Variants in NDC80 observed in about 807,000 individuals in gnomAD.
NDC80 encodes the protein kinetochore protein NDC80 homolog.
Under a neutral mutation model 89.3 loss-of-function variants are expected in NDC80, and 69 were observed. The ratio of observed to expected loss-of-function variants is 0.77; its 90% confidence interval spans 0.64 to 0.94. The LOEUF (loss-of-function observed/expected upper bound fraction) is 0.94, where lower values mean the gene tolerates loss of function less well. NDC80 is among the 40% of genes least tolerant of loss of function. The pLI is 0.00. For missense variants in NDC80, 593 were observed against 739.6 expected (o/e 0.80, Z 2.30); for synonymous variants, 243 against 255.6 (o/e 0.95, Z 0.47).
Position 2,616,526 on chromosome 18 carries a change from A to G in NDC80, c.1881A>G (p.Arg627=). Residue 627 remains arginine, a synonymous_variant, in exon 17 of 17, where the codon AGA becomes AGG. Coordinates refer to ENST00000261597, the MANE Select transcript of NDC80 (RefSeq NM_006101.3). ...EDLSENIKEI[R]DKYEKKATLI... ...TCTCGGAAAATATTAAAGAGATTAG[A>G]GATAAGTATGAGAAGAAAGCTACTC... The G allele has an allele frequency of 1.3e-6, 2 of 1,493,398 alleles. No homozygotes were observed. The highest frequency in any genetic ancestry group is 9.1e-7 in the Non-Finnish European group (1 of 1,101,468). The allele number at this position is 1,493,398 out of a possible 1,614,324, so 92.5% of individuals were successfully genotyped here. A position where few individuals can be genotyped will look rare whatever the true frequency, so the allele number is the denominator to read the frequency against.
intron 10 of NDC80, among the ~76,000 whole-genome samples, chr18:2,591,930 A>G (rs1372246839): frequency 6.6e-6 from 1 of 151,832 alleles, no homozygotes. Context: ...ACTTTTTTGT[A>G]TTTTTAGTAG....
Position 2,601,333 on chromosome 18 carries a change from C to A in NDC80, c.1375-63C>A, listed in dbSNP as rs1401531757. 5 of 727,806 alleles carry A rather than the reference C, an allele frequency of 6.9e-6. No homozygotes were observed. The East Asian group carries it at 1.5e-4, about 22-fold the overall frequency. 45.1% of individuals were successfully genotyped at this position (727,806 alleles called of 1,614,324 possible). A position where few individuals can be genotyped will look rare whatever the true frequency, so the allele number is the denominator to read the frequency against. ...CTCCTCCTATCACAGTGTGTAGATG[C>A]TTCAGGAGGGATATTTTGTAATTAA... On this transcript the variant is annotated intron_variant, in intron 12 of 16. Coordinates refer to ENST00000261597, the MANE Select transcript of NDC80 (RefSeq NM_006101.3).
chr18:2,608,105 C>T (rs547937464), intron 14 of NDC80, among the ~76,000 whole-genome samples: 2 of 146,768 alleles, frequency 1.4e-5, no homozygotes, highest in African/African-American at 5.0e-5. Flanking sequence ...CCATTCCTTC[C>T]CTTTGATAAA....
At chr18:2,594,524 G>T in intron 10 of NDC80, 1 of 163,678 alleles carries the variant, frequency 6.1e-6, no homozygotes. Context: ...TTTCTGTTTG[G>T]GAAGAACCAG....
In NDC80 at chr18:2,575,072, T is replaced by A. The variant is rs1337730178; in HGVS notation, c.179+6T>A. On this transcript the variant is annotated splice_donor_region_variant and intron_variant, in intron 3 of 16. Transcript: ENST00000261597. The stretch of plus-strand genomic sequence containing the variant: ...GTCTCGCTATTTGGCAAAAGGTAAT[T>A]ATATTTTTCATTAGCTCTAATAAAG... The A allele has an allele frequency of 6.3e-7, 1 of 1,594,182 alleles. No individual in the cohort carries two copies.
intron 12 of NDC80, among the ~76,000 whole-genome samples, chr18:2,600,143 G>T (rs1055049984): frequency 1.3e-5 from 2 of 152,146 alleles, no homozygotes; most frequent in Non-Finnish European, 2.9e-5. Context: ...ATAATTACAT[G>T]AATCACATTC....
chr18:2,595,535 A>G lies in NDC80; in HGVS notation c.1135A>G (p.Thr379Ala), dbSNP rs1213155596. 3 of 1,613,972 alleles carry G rather than the reference A, an allele frequency of 1.9e-6. No homozygotes were observed. Among genetic ancestry groups the G allele is most frequent in the South Asian group, 2.2e-5 (2 of 91,080 alleles). Residue 379 changes from threonine to alanine, a missense_variant, in exon 11 of 17, where the codon ACT (threonine) becomes GCT (alanine). Thr to Ala is a moderately conservative substitution (Grantham distance 58). Coordinates refer to ENST00000261597, the MANE Select transcript of NDC80 (RefSeq NM_006101.3). ...TCATGAAAGAAATGAATTGCAGCAG[A>G]CTATTAATAAATTAACCAAGGACCT... is the stretch of plus-strand genomic sequence containing the variant. ...INHERNELQQ[T>A]INKLTKDLEA...
intron 2 of NDC80, among the ~76,000 whole-genome samples, 169 bp downstream of exon 2, chr18:2,573,255 C>T (rs1289827364): frequency 6.6e-6 from 1 of 152,190 alleles, no homozygotes; most frequent in Non-Finnish European, 1.5e-5. Context: ...GGGCATGATA[C>T]TCTGCTAGGT....
At chr18:2,596,284 A>G (rs28709558) in intron 11 of NDC80, among the ~76,000 whole-genome samples, 9,596 of 152,196 alleles carry the variant, frequency 0.063, 325 homozygotes, top group African/African-American at 0.082. Flanking sequence ...CATCTGACAA[A>G]GGGCTAATAT....
At chr18:2,583,100 G>T (rs958716407) in intron 6 of NDC80, among the ~76,000 whole-genome samples, 10 of 152,194 alleles carry the variant, frequency 6.6e-5, no homozygotes, top group Non-Finnish European at 1.0e-4. Context: ...TGGTGTTAGA[G>T]TGGAAAACGC....
At chr18:2,583,714 ATCTG>A (rs904540252) in intron 6 of NDC80, among the ~76,000 whole-genome samples, 9 of 150,978 alleles carry the variant, frequency 6.0e-5, no homozygotes, top group African/African-American at 2.2e-4. Flanking sequence ...AAAAAAAAAA[ATCTG>A]TCTGCCACCT....
chr18:2,591,062 G>C (rs562054596), intron 10 of NDC80, among the ~76,000 whole-genome samples: 114 of 152,186 alleles, frequency 7.5e-4, no homozygotes, highest in African/African-American at 2.5e-3. Flanking sequence ...GATTCTTGAT[G>C]TCTGCCTGCC....
intron 10 of NDC80, among the ~76,000 whole-genome samples, chr18:2,591,279 G>A (rs1317973997): frequency 6.6e-6 from 1 of 152,076 alleles, no homozygotes. Flanking sequence ...AAACACTATG[G>A]CACATGCAAT....
At chr18:2,612,725 TG>T (rs1212179988) in intron 16 of NDC80, among the ~76,000 whole-genome samples, 1 of 152,244 alleles carries the variant, frequency 6.6e-6, no homozygotes, top group Non-Finnish European at 1.5e-5. Flanking sequence ...GAAAACCTAA[TG>T]GTAAGTTACT....
intron 9 of NDC80, 68 bp downstream of exon 9, chr18:2,589,378 C>T: frequency 9.5e-7 from 1 of 1,055,824 alleles, no homozygotes; most frequent in South Asian, 1.4e-5. Flanking sequence ...TGGATATTAG[C>T]TGTCTTTATC....
At chr18:2,590,235 T>C in intron 10 of NDC80, 73 bp downstream of exon 10, 1 of 1,391,444 alleles carries the variant, frequency 7.2e-7, no homozygotes, top group Non-Finnish European at 9.6e-7. Flanking sequence ...AACAGCTTTG[T>C]TATCCATATC....
chr18:2,614,815 G>A (rs1047159167), intron 16 of NDC80: 2 of 153,116 alleles, frequency 1.3e-5, no homozygotes, highest in East Asian at 1.9e-4. Flanking sequence ...TTTGGAAGTA[G>A]GATCTTTGCA....
rs1286374349 is a variant in NDC80, at chr18:2,574,997, A to G, written c.110A>G (p.Lys37Arg). ...TTCTATTTTTCTTAAAGCAAAGAGAAACCAACCTTTGGAAAGTTGAGTATA... is the reference window on the plus strand; with the variant it reads ...TTCTATTTTTCTTAAAGCAAAGAGAGACCAACCTTTGGAAAGTTGAGTATA... ...QGLYTPQTKE[K>R]PTFGKLSINK... Residue 37 changes from lysine (K) to arginine (R), a missense_variant, in exon 3 of 17, where the codon AAA becomes AGA. Coordinates refer to ENST00000261597, the MANE Select transcript of NDC80 (RefSeq NM_006101.3). The G allele has an allele frequency of 6.2e-7, 1 of 1,605,042 alleles. No individual in the cohort carries two copies. Among genetic ancestry groups the G allele is most frequent in the Non-Finnish European group, 8.5e-7 (1 of 1,175,784 alleles).
At chr18:2,581,108 T>C (rs565162207) in intron 6 of NDC80, among the ~76,000 whole-genome samples, 1 of 152,264 alleles carries the variant, frequency 6.6e-6, no homozygotes, top group African/African-American at 2.4e-5. Context: ...GATGTATTAA[T>C]CCGTGAGAGA....
Sources: gnomAD v4.1 joint callset for allele counts (sites outside exome capture counted in the v4.1 genomes callset) on GRCh38, gnomAD v4.1.1 for gene constraint, MANE v1.5 for transcripts, NCBI Gene and HGNC (gene_info 2026-07-23, HGNC 2026-07-21) for gene names.